The following CNTNAP5 variants were observed in gnomAD, a reference collection of about 807,000 sequenced individuals.
CNTNAP5 encodes contactin associated protein family member 5, also known as contactin-associated protein-like 5.
In CNTNAP5, 72 loss-of-function variants were observed where a neutral mutation model predicts 150.2. That is an observed-to-expected ratio of 0.48 (90% CI 0.40 to 0.58). The LOEUF (loss-of-function observed/expected upper bound fraction) is 0.58, where lower values mean the gene tolerates loss of function less well. CNTNAP5 is among the 20% of genes least tolerant of loss of function. The pLI, the probability that CNTNAP5 is intolerant of heterozygous loss-of-function variation, is 0.00. For missense variants in CNTNAP5, 1,636 were observed against 1,626.2 expected, an observed-to-expected ratio of 1.01 and a Z score of -0.10; for synonymous variants, 672 against 619.8, an observed-to-expected ratio of 1.08 and a Z score of -1.25.
chr2:124,768,271 A>ATTTGTGTGTGTG (rs1174137589), intron 16 of CNTNAP5, among the ~76,000 whole-genome samples: 5 of 131,222 alleles, frequency 3.8e-5, no homozygotes, highest in African/African-American at 1.3e-4. Flanking sequence ...TACTGTATGT[A>ATTTGTGTGTGTG]TGTGTGTGTG....
chr2:124,711,117 A>T (rs1679797775), intron 13 of CNTNAP5, among the ~76,000 whole-genome samples: 1 of 151,894 alleles, frequency 6.6e-6, no homozygotes. Flanking sequence ...CTCAAAATAC[A>T]CAAATTAGCC....
intron 3 of CNTNAP5, among the ~76,000 whole-genome samples, chr2:124,342,279 T>C (rs1013852677): frequency 6.6e-6 from 1 of 152,126 alleles, no homozygotes; most frequent in Non-Finnish European, 1.5e-5. Flanking sequence ...CTTACAGGTG[T>C]GCAGCCAAGC....
At chr2:124,386,595 G>A (rs1690932206) in intron 3 of CNTNAP5, among the ~76,000 whole-genome samples, 1 of 152,210 alleles carries the variant, frequency 6.6e-6, no homozygotes, top group East Asian at 1.9e-4. Context: ...AAAAGAAGTT[G>A]CAGCCTTCTT....
At position 124,786,398 on chromosome 2, in the gene CNTNAP5, A is replaced by AAGGAAG. The variant is rs1553442120; in HGVS notation, c.2753-3504_2753-3503insAGGAAG. Among the ~76,000 whole-genome samples the AAGGAAG allele has an allele frequency of 4.1e-3, 187 of 45,158 alleles. 1 individual carries two copies. The highest frequency in any genetic ancestry group is 7.1e-3 in the Admixed American group (28 of 3,944). The allele number at this position is 45,158 out of a possible 152,430, so 29.6% of individuals were successfully genotyped here. A position where few individuals can be genotyped will look rare whatever the true frequency, so the allele number is the denominator to read the frequency against. On this transcript the variant is annotated intron_variant, in intron 17 of 23. Coordinates refer to ENST00000682447, the MANE Select transcript of CNTNAP5 (RefSeq NM_001367498.1). ...AAGAAAGAAAGAAAGAAAGAAAGAA[A>AAGGAAG]GAAGGAAGGAAGGAAGGAAGGAAGG...
chr2:124,800,883 C>A (rs1681952937), intron 19 of CNTNAP5, among the ~76,000 whole-genome samples: 1 of 152,232 alleles, frequency 6.6e-6, no homozygotes, highest in South Asian at 2.1e-4. Flanking sequence ...GTGACACAGT[C>A]CTCAGGAGGT....
intron 13 of CNTNAP5, among the ~76,000 whole-genome samples, chr2:124,706,778 A>G (rs1157487137): frequency 5.3e-5 from 2 of 37,386 alleles, no homozygotes; most frequent in Non-Finnish European, 1.1e-4. Context: ...AAGAAGAAGA[A>G]GAAGAAGAAG....
intron 1 of CNTNAP5, among the ~76,000 whole-genome samples, chr2:124,073,575 C>A (rs1186181663): frequency 6.6e-6 from 1 of 151,936 alleles, no homozygotes; most frequent in Non-Finnish European, 1.5e-5. Flanking sequence ...AGCAAACAGG[C>A]ATATGAAAAG....
intron 3 of CNTNAP5, among the ~76,000 whole-genome samples, chr2:124,387,963 G>T (rs1558878877): frequency 6.6e-6 from 1 of 152,102 alleles, no homozygotes; most frequent in Non-Finnish European, 1.5e-5. Context: ...AGGGAAAATG[G>T]GATGGAGACA....
At chr2:124,185,749 G>A (rs554685625) in intron 1 of CNTNAP5, among the ~76,000 whole-genome samples, 1 of 152,220 alleles carries the variant, frequency 6.6e-6, no homozygotes, top group South Asian at 2.1e-4. Context: ...ACCATCCTTG[G>A]CTCCTCTTTT....
At chr2:124,537,228 G>C (rs1456642854) in intron 10 of CNTNAP5, among the ~76,000 whole-genome samples, 1 of 152,218 alleles carries the variant, frequency 6.6e-6, no homozygotes, top group Admixed American at 6.5e-5. Flanking sequence ...TATTGGGAGA[G>C]ATTAGGCCTG....
At chr2:124,323,180 G>A (rs765907387) in intron 3 of CNTNAP5, among the ~76,000 whole-genome samples, 14 of 152,100 alleles carry the variant, frequency 9.2e-5, no homozygotes, top group East Asian at 1.9e-4. Context: ...GTGCCCAAGC[G>A]GGTCAGGAAC....
In CNTNAP5 at chr2:124,705,110, T is replaced by C. The variant is rs188277524; in HGVS notation, c.2078-42119T>C. 2.7e-5 allele frequency among the ~76,000 whole-genome samples: 4 copies of C among 149,982 alleles called. No individual in the cohort carries two copies. In the East Asian group the frequency reaches 8.0e-4, roughly 30 times the overall value. On this transcript the variant is annotated intron_variant, in intron 13 of 23. Coordinates refer to ENST00000682447, the MANE Select transcript of CNTNAP5 (RefSeq NM_001367498.1). Reference sequence around the variant, plus strand: ...ATATATATAGTTAAATGTATACATATAGTTATGTATTACACACACACTTTT... The same window carrying C: ...ATATATATAGTTAAATGTATACATACAGTTATGTATTACACACACACTTTT...
intron 3 of CNTNAP5, among the ~76,000 whole-genome samples, chr2:124,265,218 G>A (rs1463200028): frequency 1.3e-5 from 2 of 152,152 alleles, no homozygotes; most frequent in African/African-American, 4.8e-5. Context: ...ACTGTGCACT[G>A]CTTTGCCATC....
chr2:124,410,766 A>C (rs1421290373), intron 3 of CNTNAP5, among the ~76,000 whole-genome samples: 2 of 151,282 alleles, frequency 1.3e-5, no homozygotes, highest in Non-Finnish European at 3.0e-5. Flanking sequence ...AAATGCCCAC[A>C]AGAGAAAGCA....
rs1292339226 is a variant in CNTNAP5, at chr2:124,601,351, C to G, written c.1757-8450C>G. Among the ~76,000 whole-genome samples the G allele has an allele frequency of 2.0e-5, 3 of 152,168 alleles. No individual in the cohort carries two copies. In the East Asian group the frequency reaches 5.8e-4, roughly 29 times the overall value. On this transcript the variant is annotated intron_variant, in intron 11 of 23. Coordinates refer to ENST00000682447, the MANE Select transcript of CNTNAP5 (RefSeq NM_001367498.1). The stretch of plus-strand genomic sequence containing the variant: ...ACAAAAGACACTAACGTGAGCATTT[C>G]TCACAAAATTCTTCAGCCAGATAAG...
chr2:124,655,162 G>A (rs914288151), intron 13 of CNTNAP5, among the ~76,000 whole-genome samples: 12 of 151,872 alleles, frequency 7.9e-5, no homozygotes, highest in African/African-American at 2.9e-4. Flanking sequence ...ACCCTCTGAT[G>A]AGCCCCAGTG....
At chr2:124,447,965 A>C (rs967561114) in intron 6 of CNTNAP5, among the ~76,000 whole-genome samples, 1 of 152,094 alleles carries the variant, frequency 6.6e-6, no homozygotes, top group African/African-American at 2.4e-5. Flanking sequence ...TGGTTAACCT[A>C]GGCATTATTA....
chr2:124,685,080 T>C (rs1679160908), intron 13 of CNTNAP5, among the ~76,000 whole-genome samples: 1 of 152,128 alleles, frequency 6.6e-6, no homozygotes, highest in African/African-American at 2.4e-5. Flanking sequence ...CTTTTCTAGA[T>C]AGCCTCTGAG....
chr2:124,069,672 T>C (rs1194261028), intron 1 of CNTNAP5, among the ~76,000 whole-genome samples: 1 of 152,050 alleles, frequency 6.6e-6, no homozygotes, highest in Non-Finnish European at 1.5e-5. Context: ...TAGGAGAAAG[T>C]AAGGAAGAGA....
Sources: gnomAD v4.1 joint callset for allele counts (sites outside exome capture counted in the v4.1 genomes callset) on GRCh38, gnomAD v4.1.1 for gene constraint, MANE v1.5 for transcripts, NCBI Gene and HGNC (gene_info 2026-07-23, HGNC 2026-07-21) for gene names.